The following DOCK3 variants were observed in gnomAD, a reference collection of about 807,000 sequenced individuals.
DOCK3 encodes dedicator of cytokinesis protein 3.
DOCK3 carries 60 observed loss-of-function variants against 265.6 expected under a neutral mutation model. The ratio of observed to expected loss-of-function variants is 0.23; its 90% CI spans 0.18 to 0.28. DOCK3 has a LOEUF of 0.28. Ranked by LOEUF, DOCK3 falls within the 10% of genes least tolerant of loss-of-function variation. The pLI is 1.00. For synonymous variants in DOCK3, 881 were observed against 938.0 expected (o/e 0.94, Z 1.11); for missense variants, 1,981 against 2,594.3 (o/e 0.76, Z 5.14).
At chr3:50,788,022 C>A (rs1201641879) in intron 2 of DOCK3, 1 of 746,248 alleles carries the variant, frequency 1.3e-6, no homozygotes, top group Non-Finnish European at 2.3e-6. Flanking sequence ...GCATGCACAT[C>A]AGACTCTGCT....
At chr3:50,795,762 C>T (rs973775176) in intron 2 of DOCK3, among the ~76,000 whole-genome samples, 1 of 152,142 alleles carries the variant, frequency 6.6e-6, no homozygotes. Context: ...AGATTCTTTC[C>T]TCACCTTGGT....
chr3:51,200,124 G>A (rs1477924753), intron 12 of DOCK3, among the ~76,000 whole-genome samples: 2 of 152,110 alleles, frequency 1.3e-5, no homozygotes, highest in Non-Finnish European at 2.9e-5. Flanking sequence ...AAAAAGCAGA[G>A]CACCTCTCCT....
In DOCK3 at chr3:51,244,926, G is replaced by A. The variant is rs367575220; in HGVS notation, c.2103-1800G>A. ...CTTGGTTTTTCCATGAGAAACATTC[G>A]AATAGCTAAAATAGCACCCACAAAA... On this transcript the variant is annotated intron_variant, in intron 21 of 52. Transcript: ENST00000266037. 9.9e-5 allele frequency among the ~76,000 whole-genome samples: 15 copies of A among 152,162 alleles called. No individual in the cohort carries two copies. In the East Asian group the frequency reaches 1.7e-3, roughly 18 times the overall value.
chr3:50,772,969 C>T (rs1351971650), intron 1 of DOCK3, among the ~76,000 whole-genome samples: 2 of 151,814 alleles, frequency 1.3e-5, no homozygotes, highest in Non-Finnish European at 2.9e-5. Flanking sequence ...ACAAAAGACC[C>T]TAAATAGCTA....
chr3:50,803,946 G>T (rs2043230004), intron 2 of DOCK3, among the ~76,000 whole-genome samples: 1 of 151,980 alleles, frequency 6.6e-6, no homozygotes, highest in Non-Finnish European at 1.5e-5. Flanking sequence ...TCCCAGATGG[G>T]GCGGCTGCCG....
intron 31 of DOCK3, among the ~76,000 whole-genome samples, chr3:51,313,393 A>G (rs978740584): frequency 6.6e-6 from 1 of 152,238 alleles, no homozygotes; most frequent in Non-Finnish European, 1.5e-5. Context: ...ATGGAGTAAC[A>G]TATAAGAAGA....
At chr3:51,071,036 A>T (rs1049231282) in intron 6 of DOCK3, among the ~76,000 whole-genome samples, 2 of 152,200 alleles carry the variant, frequency 1.3e-5, no homozygotes, top group Non-Finnish European at 2.9e-5. Context: ...CCACTGCCTT[A>T]AAGTATCCAT....
chr3:51,175,755 T>A (rs1413238665), intron 12 of DOCK3, among the ~76,000 whole-genome samples: 1 of 152,184 alleles, frequency 6.6e-6, no homozygotes, highest in African/African-American at 2.4e-5. Context: ...ATCCTCCTTT[T>A]GGTACAGAGA....
At chr3:51,346,719 C>A (rs2085608662) in intron 38 of DOCK3, among the ~76,000 whole-genome samples, 2 of 152,226 alleles carry the variant, frequency 1.3e-5, no homozygotes, top group African/African-American at 4.8e-5. Flanking sequence ...TCCACACTGT[C>A]TTCCACAATC....
At position 50,822,925 on chromosome 3, in the gene DOCK3, A is replaced by T. The variant is rs553190670; in HGVS notation, c.122-18750A>T. Among the ~76,000 whole-genome samples the T allele has an allele frequency of 2.0e-5, 3 of 152,314 alleles. 1 individual carries two copies. In the South Asian group the frequency reaches 6.2e-4, roughly 32 times the overall value. On this transcript the variant is annotated intron_variant, in intron 2 of 52. Coordinates refer to ENST00000266037, the MANE Select transcript of DOCK3 (RefSeq NM_004947.5). ...TTGACATTTTCATCTTTTCGGTAAG[A>T]AAAAAGGCTTCTTGTAGCTATAAAG...
At chr3:51,125,836 C>T (rs1050401444) in intron 9 of DOCK3, among the ~76,000 whole-genome samples, 9 of 152,004 alleles carry the variant, frequency 5.9e-5, no homozygotes, top group African/African-American at 1.9e-4. Context: ...CTGGAAAGCA[C>T]AGAACAAGAG....
intron 1 of DOCK3, among the ~76,000 whole-genome samples, chr3:50,686,496 A>T (rs6796769): frequency 6.6e-6 from 1 of 152,114 alleles, no homozygotes; most frequent in Non-Finnish European, 1.5e-5. Context: ...TCGTGGATCT[A>T]TTCCTTCCCA....
At chr3:51,346,435 C>T (rs973187322) in intron 38 of DOCK3, among the ~76,000 whole-genome samples, 4 of 152,080 alleles carry the variant, frequency 2.6e-5, no homozygotes, top group Non-Finnish European at 4.4e-5. Context: ...TGATGGATTC[C>T]AGCTTCATCC....
intron 22 of DOCK3, among the ~76,000 whole-genome samples, chr3:51,254,892 G>T (rs1006657316): frequency 4.6e-5 from 7 of 152,182 alleles, no homozygotes; most frequent in Non-Finnish European, 7.3e-5. Context: ...AGTTATATGT[G>T]AATTTGATCC....
At chr3:51,039,870 T>C (rs1453148841) in intron 5 of DOCK3, among the ~76,000 whole-genome samples, 1 of 142,766 alleles carries the variant, frequency 7.0e-6, no homozygotes, top group Non-Finnish European at 1.5e-5. Flanking sequence ...CATTATAGCT[T>C]GTGCTTTGAG....
chr3:51,052,140 T>C (rs999370406), intron 5 of DOCK3, among the ~76,000 whole-genome samples: 1 of 152,208 alleles, frequency 6.6e-6, no homozygotes, highest in Non-Finnish European at 1.5e-5. Flanking sequence ...GGAAATTATC[T>C]GGATAAATTT....
At chr3:51,097,352 G>T (rs2109670495) in intron 9 of DOCK3, among the ~76,000 whole-genome samples, 1 of 152,312 alleles carries the variant, frequency 6.6e-6, no homozygotes, top group African/African-American at 2.4e-5. Context: ...AGGCTTTGAG[G>T]AGCGCAGTGG....
chr3:51,307,838 G>A (rs1339466172), intron 27 of DOCK3, among the ~76,000 whole-genome samples: 1 of 148,254 alleles, frequency 6.7e-6, no homozygotes, highest in African/African-American at 2.5e-5. Context: ...TGCCCGAAAT[G>A]ACATGGCTGC....
At chr3:51,344,358 C>T (rs1323500590) in intron 38 of DOCK3, among the ~76,000 whole-genome samples, 4 of 152,156 alleles carry the variant, frequency 2.6e-5, no homozygotes, top group Admixed American at 6.5e-5. Flanking sequence ...AGGTGGCTCA[C>T]GCCTGCAATC....
Sources: gnomAD v4.1 joint callset for allele counts (sites outside exome capture counted in the v4.1 genomes callset) on GRCh38, gnomAD v4.1.1 for gene constraint, MANE v1.5 for transcripts, NCBI Gene and HGNC (gene_info 2026-07-23, HGNC 2026-07-21) for gene names.